The following GLT8D2 variants were observed in gnomAD, a reference collection of about 807,000 sequenced individuals.
GLT8D2 encodes the protein glycosyltransferase 8 domain-containing protein 2.
Under a neutral mutation model 44.5 loss-of-function variants are expected in GLT8D2, and 45 were observed. The observed-to-expected ratio is 1.01, with a 90% CI of 0.80 to 1.30. The LOEUF (loss-of-function observed/expected upper bound fraction) is 1.30. Among genes scored for constraint, GLT8D2 ranks in the 50% most tolerant of loss-of-function variants. The pLI, the probability that GLT8D2 is intolerant of heterozygous loss-of-function variation, is 0.00. For synonymous variants in GLT8D2, 156 were observed against 157.2 expected, an observed-to-expected ratio of 0.99 and a Z score of 0.06; for missense variants, 400 against 430.4, an observed-to-expected ratio of 0.93 and a Z score of 0.62.
chr12:104,055,190 G>A (rs940926607), intron 1 of GLT8D2, among the ~76,000 whole-genome samples: 5 of 152,162 alleles, frequency 3.3e-5, no homozygotes, highest in South Asian at 2.1e-4. Context: ...CAAAAGGGAC[G>A]AGGGGCTGAT....
At chr12:104,042,142 C>G (rs1416291249) in intron 1 of GLT8D2, among the ~76,000 whole-genome samples, 2 of 152,212 alleles carry the variant, frequency 1.3e-5, no homozygotes, top group Non-Finnish European at 2.9e-5. Flanking sequence ...AAAGATTTTA[C>G]CAGCCTTCTT....
intron 1 of GLT8D2, among the ~76,000 whole-genome samples, chr12:104,023,834 T>C (rs911505427): frequency 6.6e-6 from 1 of 152,232 alleles, no homozygotes; most frequent in Non-Finnish European, 1.5e-5. Flanking sequence ...ATAATGTTTT[T>C]GAGATTCATA....
At chr12:104,061,638 C>T (rs1882656543) in intron 1 of GLT8D2, among the ~76,000 whole-genome samples, 1 of 152,130 alleles carries the variant, frequency 6.6e-6, no homozygotes, top group South Asian at 2.1e-4. Flanking sequence ...TGTTCGCAGA[C>T]ATCTTATTTC....
chr12:103,993,504 C>G lies in GLT8D2; in HGVS notation c.768G>C (p.Glu256Asp), dbSNP rs372103586. 2.3e-5 allele frequency: 36 copies of G among 1,557,666 alleles called. 1 individual carries two copies. In the East Asian group the frequency reaches 3.2e-4, roughly 14 times the overall value. Residue 256 changes from glutamate (E) to aspartate (D), a missense_variant and splice_region_variant, in exon 10 of 11, where the codon GAG (glutamate) becomes GAC (aspartate). Coordinates refer to ENST00000360814, the MANE Select transcript of GLT8D2 (RefSeq NM_001384711.1). ...QLEKWMQKNV[E>D]ENLYSSSLGG... ...CCAGGGAGCTGCTATAGAGGTTTTC[C>G]CTAAGAAATGAAATAGAAAAACAAC...
intron 3 of GLT8D2, among the ~76,000 whole-genome samples, chr12:104,017,656 G>A (rs1877070251): frequency 6.6e-6 from 1 of 152,128 alleles, no homozygotes. Context: ...TAGGACAGAA[G>A]GAACACAGCT....
intron 6 of GLT8D2, among the ~76,000 whole-genome samples, chr12:103,998,630 G>A (rs573145382): frequency 2.0e-5 from 3 of 152,154 alleles, no homozygotes; most frequent in African/African-American, 4.8e-5. Flanking sequence ...GGCTGGTCTC[G>A]AACTCCTGAC....
chr12:104,003,770 C>T (rs1327660250), intron 4 of GLT8D2, among the ~76,000 whole-genome samples: 2 of 152,156 alleles, frequency 1.3e-5, no homozygotes, highest in Admixed American at 1.3e-4. Context: ...GGAACTGATA[C>T]ATCAGACTTA....
At chr12:104,045,922 A>AGAAAGAAAGAAAGAAG (rs1881056574) in intron 1 of GLT8D2, among the ~76,000 whole-genome samples, 4 of 149,134 alleles carry the variant, frequency 2.7e-5, no homozygotes, top group African/African-American at 9.9e-5. Flanking sequence ...AAAGAAAGAA[A>AGAAAGAAAGAAAGAAG]GAAAGAAAGA....
intron 10 of GLT8D2, 136 bp from the exon 11 acceptor site, chr12:103,989,713 A>G: frequency 1.4e-6 from 1 of 705,468 alleles, no homozygotes; most frequent in South Asian, 2.0e-5. Context: ...TACCCACCCC[A>G]GGTCTCCAAA....
chr12:104,062,263 G>A (rs1402656798), intron 1 of GLT8D2, among the ~76,000 whole-genome samples: 1 of 151,866 alleles, frequency 6.6e-6, no homozygotes, highest in Non-Finnish European at 1.5e-5. Context: ...TGGTAGAGAT[G>A]GGTTTCACCA....
intron 8 of GLT8D2, among the ~76,000 whole-genome samples, chr12:103,995,398 C>T (rs1873284920): frequency 6.6e-6 from 1 of 152,238 alleles, no homozygotes; most frequent in Non-Finnish European, 1.5e-5. Context: ...TCACCCCTGC[C>T]TCAAGATCTT....
chr12:103,994,403 G>A lies in GLT8D2; in HGVS notation c.699C>T (p.Ala233=). ...GCTGGTGCTTCCATTCTGTCATGTT[G>A]GCAACAATCACACCAGGATTGAAAG... ...TCSFNPGVIV[A]NMTEWKHQRI... Residue 233 remains alanine, a synonymous_variant, in exon 9 of 11, where the codon GCC becomes GCT. Transcript: ENST00000360814. 6.2e-7 allele frequency: 1 copy of A among 1,614,030 alleles called. No homozygotes were observed. The highest frequency in any genetic ancestry group is 8.5e-7 in the Non-Finnish European group (1 of 1,179,966).
intron 10 of GLT8D2, 75 bp downstream of exon 10, chr12:103,993,317 C>T (rs184027170): frequency 6.1e-6 from 7 of 1,150,214 alleles, no homozygotes; most frequent in Middle Eastern, 4.6e-4. Flanking sequence ...GGCAGCAGAG[C>T]GAGACTCTGT....
At chr12:104,009,076 T>C (rs1031610100) in intron 4 of GLT8D2, among the ~76,000 whole-genome samples, 3 of 152,192 alleles carry the variant, frequency 2.0e-5, no homozygotes, top group African/African-American at 7.2e-5. Flanking sequence ...GAGTCCCTAC[T>C]GGGGCACTGC....
intron 3 of GLT8D2, among the ~76,000 whole-genome samples, chr12:104,018,873 A>T (rs1017134917): frequency 3.3e-5 from 5 of 152,190 alleles, no homozygotes; most frequent in African/African-American, 1.2e-4. Context: ...AGGGTCACAG[A>T]ATTAGGTTAC....
At chr12:104,032,552 A>G (rs2136437855) in intron 1 of GLT8D2, among the ~76,000 whole-genome samples, 1 of 151,894 alleles carries the variant, frequency 6.6e-6, no homozygotes, top group East Asian at 1.9e-4. Context: ...CAAGAGGTAT[A>G]TGAAAAGATA....
intron 1 of GLT8D2, among the ~76,000 whole-genome samples, chr12:104,035,828 G>A (rs1265164027): frequency 6.6e-6 from 1 of 152,122 alleles, no homozygotes; most frequent in African/African-American, 2.4e-5. Context: ...GCACCGCAAA[G>A]ATATTCCTCG....
chr12:104,016,775 G>GAAGGA (rs1555278945), intron 3 of GLT8D2, among the ~76,000 whole-genome samples: 1,028 of 74,644 alleles, frequency 0.014, 27 homozygotes, highest in Non-Finnish European at 0.019. Flanking sequence ...AAGAAAGAAA[G>GAAGGA]AAGGAAGGAA....
At chr12:104,018,463 C>G (rs939749083) in intron 3 of GLT8D2, among the ~76,000 whole-genome samples, 14 of 152,130 alleles carry the variant, frequency 9.2e-5, no homozygotes, top group Admixed American at 2.0e-4. Context: ...AATGGATTAT[C>G]AGATTCAGCC....
Sources: gnomAD v4.1 joint callset for allele counts (sites outside exome capture counted in the v4.1 genomes callset) on GRCh38, gnomAD v4.1.1 for gene constraint, MANE v1.5 for transcripts, NCBI Gene and HGNC (gene_info 2026-07-23, HGNC 2026-07-21) for gene names.